Variants in AKAP19 observed in about 807,000 individuals in gnomAD.
AKAP19 encodes the protein small A-kinase anchoring protein.
chr2:190,160,864 G>A, the AKAP19 span, among the ~76,000 whole-genome samples: 1 of 152,080 alleles, frequency 6.6e-6, no homozygotes, highest in Non-Finnish European at 1.5e-5. Context: ...TAATATAAGT[G>A]ACATTTTCTT....
chr2:189,972,126 A>T, the AKAP19 span, among the ~76,000 whole-genome samples: 1 of 152,162 alleles, frequency 6.6e-6, no homozygotes, highest in Non-Finnish European at 1.5e-5. Context: ...TCTAACATTT[A>T]AGTCTTTAAT....
At chr2:189,980,157 A>G in the AKAP19 span, among the ~76,000 whole-genome samples, 2 of 152,184 alleles carry the variant, frequency 1.3e-5, no homozygotes, top group Non-Finnish European at 2.9e-5. Flanking sequence ...CATGGAATCA[A>G]CCTAAGTGTC....
At chr2:190,019,260 C>A in the AKAP19 span, among the ~76,000 whole-genome samples, 1 of 152,128 alleles carries the variant, frequency 6.6e-6, no homozygotes, top group Non-Finnish European at 1.5e-5. Context: ...CCATGGCAGT[C>A]TCTTCCTCTG....
At chr2:190,058,172 G>A in the AKAP19 span, among the ~76,000 whole-genome samples, 1 of 151,986 alleles carries the variant, frequency 6.6e-6, no homozygotes, top group South Asian at 2.1e-4. Context: ...AAGAAGAGAC[G>A]ATGATATTTC....
the AKAP19 span, among the ~76,000 whole-genome samples, chr2:189,979,740 C>A: frequency 1.3e-5 from 2 of 152,020 alleles, no homozygotes; most frequent in Non-Finnish European, 2.9e-5. Context: ...AAACTAATAA[C>A]CCCTTCAAAA....
the AKAP19 span, among the ~76,000 whole-genome samples, chr2:190,155,232 A>T: frequency 6.6e-6 from 1 of 152,212 alleles, no homozygotes; most frequent in Non-Finnish European, 1.5e-5. Flanking sequence ...TTCTCACTCT[A>T]AGCTGATAGA....
chr2:189,957,129 C>T, the AKAP19 span, among the ~76,000 whole-genome samples: 2 of 152,034 alleles, frequency 1.3e-5, no homozygotes, highest in African/African-American at 4.8e-5. Flanking sequence ...GAGCCGAGAT[C>T]GCGCCACTGC....
the AKAP19 span, among the ~76,000 whole-genome samples, chr2:190,029,135 T>A: frequency 4.9e-4 from 74 of 151,900 alleles, no homozygotes; most frequent in African/African-American, 1.7e-3. Context: ...TCACCGCAAC[T>A]TCCACCTCCC....
the AKAP19 span, among the ~76,000 whole-genome samples, chr2:189,919,534 C>T: frequency 1.3e-5 from 2 of 151,948 alleles, no homozygotes; most frequent in African/African-American, 4.8e-5. Context: ...GTCTAAGTTC[C>T]CTCCCCTTAC....
chr2:189,899,969 T>A, the AKAP19 span, among the ~76,000 whole-genome samples: 3 of 152,150 alleles, frequency 2.0e-5, no homozygotes, highest in Non-Finnish European at 2.9e-5. Flanking sequence ...ACATATATAG[T>A]ATTCATGGAA....
the AKAP19 span, among the ~76,000 whole-genome samples, chr2:190,047,985 A>T: frequency 6.6e-6 from 1 of 152,228 alleles, no homozygotes; most frequent in Admixed American, 6.5e-5. Context: ...TTAAAATATA[A>T]TGATAGTAGA....
the AKAP19 span, among the ~76,000 whole-genome samples, chr2:189,943,353 C>T: frequency 3.3e-5 from 5 of 152,202 alleles, no homozygotes; most frequent in Admixed American, 6.5e-5. Flanking sequence ...CCCTTGGCAG[C>T]TTCCACATGT....
the AKAP19 span, among the ~76,000 whole-genome samples, chr2:190,007,698 C>T: frequency 1.3e-5 from 2 of 152,170 alleles, no homozygotes; most frequent in Non-Finnish European, 2.9e-5. Flanking sequence ...CGGTGGCTTA[C>T]GCCTGTAATC....
the AKAP19 span, among the ~76,000 whole-genome samples, chr2:190,164,493 G>T: frequency 1.3e-5 from 2 of 152,100 alleles, no homozygotes; most frequent in Admixed American, 6.6e-5. Flanking sequence ...TTGCATCACT[G>T]TACTCCAGCC....
the AKAP19 span, among the ~76,000 whole-genome samples, chr2:190,070,011 C>G: frequency 2.6e-5 from 4 of 152,146 alleles, no homozygotes; most frequent in Non-Finnish European, 5.9e-5. Context: ...TTTTGAAGCA[C>G]CAAGTACTTC....
the AKAP19 span, among the ~76,000 whole-genome samples, chr2:189,965,979 TA>T: frequency 1.3e-5 from 2 of 152,100 alleles, no homozygotes; most frequent in Non-Finnish European, 2.9e-5. Context: ...TGTATGTGTA[TA>T]TATATATGAT....
At chr2:190,137,011 G>A in the AKAP19 span, among the ~76,000 whole-genome samples, 1 of 152,192 alleles carries the variant, frequency 6.6e-6, no homozygotes, top group South Asian at 2.1e-4. Context: ...TCCAGTAAAT[G>A]TGTCGACGTA....
At chr2:190,058,706 A>C in the AKAP19 span, among the ~76,000 whole-genome samples, 1 of 152,122 alleles carries the variant, frequency 6.6e-6, no homozygotes. Flanking sequence ...CTTTTGCAGC[A>C]AATTAGATGG....
the AKAP19 span, among the ~76,000 whole-genome samples, chr2:190,165,314 G>A: frequency 6.6e-6 from 1 of 151,952 alleles, no homozygotes; most frequent in South Asian, 2.1e-4. Flanking sequence ...GTGGGCGCCT[G>A]TACTCCCAGA....
Sources: gnomAD v4.1 joint callset for allele counts (sites outside exome capture counted in the v4.1 genomes callset) on GRCh38, gnomAD v4.1.1 for gene constraint, MANE v1.5 for transcripts, NCBI Gene and HGNC (gene_info 2026-07-23, HGNC 2026-07-21) for gene names.